Variants in RAB6A observed in about 807,000 individuals in gnomAD.
The protein encoded by RAB6A is ras-related protein Rab-6A.
RAB6A carries 8 observed loss-of-function variants against 32.3 expected under a neutral mutation model. That is an observed-to-expected ratio of 0.25 (90% CI 0.15 to 0.45). RAB6A has a LOEUF of 0.45. Among genes scored for constraint, RAB6A ranks in the 20% least tolerant of loss-of-function variants. RAB6A has a pLI of 1.00. For missense variants in RAB6A, 104 were observed against 249.4 expected, an observed-to-expected ratio of 0.42 and a Z score of 3.93; for synonymous variants, 73 against 82.1, an observed-to-expected ratio of 0.89 and a Z score of 0.60.
At chr11:73,749,124 T>A (rs967168981) in intron 1 of RAB6A, among the ~76,000 whole-genome samples, 15 of 151,340 alleles carry the variant, frequency 9.9e-5, no homozygotes, top group African/African-American at 3.6e-4. Flanking sequence ...GACTCTATCT[T>A]AAAAAAAGGA....
chr11:73,747,459 C>A (rs1189411010), intron 1 of RAB6A, among the ~76,000 whole-genome samples: 5 of 150,384 alleles, frequency 3.3e-5, no homozygotes, highest in Non-Finnish European at 5.9e-5. Context: ...CCGCCCCCGG[C>A]CTCCCAAGTG....
At chr11:73,709,834 T>C (rs12793699) in intron 5 of RAB6A, among the ~76,000 whole-genome samples, 3 of 55,548 alleles carry the variant, frequency 5.4e-5, no homozygotes, top group African/African-American at 1.6e-4. Context: ...TATATATACA[T>C]ATATACACAT....
intron 1 of RAB6A, among the ~76,000 whole-genome samples, chr11:73,738,940 G>A (rs1017526028): frequency 3.3e-5 from 5 of 151,298 alleles, no homozygotes; most frequent in Non-Finnish European, 5.9e-5. Flanking sequence ...TGAGACTCCT[G>A]TCTCAAAAAA....
chr11:73,710,275 A>G (rs1049269377), intron 5 of RAB6A, among the ~76,000 whole-genome samples: 12 of 150,610 alleles, frequency 8.0e-5, no homozygotes, highest in African/African-American at 4.9e-5. Flanking sequence ...CCCCATGCTT[A>G]TATTTTTTAT....
chr11:73,736,361 G>A (rs973807318), intron 1 of RAB6A, among the ~76,000 whole-genome samples: 7 of 151,576 alleles, frequency 4.6e-5, no homozygotes, highest in Non-Finnish European at 7.4e-5. Context: ...CCCGGGAGGC[G>A]GAGGTTGCAG....
intron 2 of RAB6A, among the ~76,000 whole-genome samples, chr11:73,724,715 A>T (rs547470726): frequency 9.7e-4 from 147 of 152,070 alleles, no homozygotes; most frequent in Middle Eastern, 6.8e-3. Context: ...GTCGATCTCC[A>T]GACCTTGTGA....
intron 2 of RAB6A, 126 bp downstream of exon 2, chr11:73,730,639 A>T: frequency 1.4e-6 from 1 of 720,490 alleles, no homozygotes; most frequent in Non-Finnish European, 2.3e-6. Context: ...GTATTTATAC[A>T]GCATTTTACA....
intron 6 of RAB6A, among the ~76,000 whole-genome samples, chr11:73,687,216 G>T (rs2134875073): frequency 6.6e-6 from 1 of 152,252 alleles, no homozygotes; most frequent in African/African-American, 2.4e-5. Flanking sequence ...GCTGTCAATG[G>T]CTGGGGGAAG....
chr11:73,741,228 C>T (rs1268699729), intron 1 of RAB6A, among the ~76,000 whole-genome samples: 2 of 152,040 alleles, frequency 1.3e-5, no homozygotes, highest in East Asian at 3.9e-4. Context: ...GCTCCACCTC[C>T]CGGGTTCACG....
At chr11:73,753,459 C>G (rs1326821248) in intron 1 of RAB6A, among the ~76,000 whole-genome samples, 1 of 151,822 alleles carries the variant, frequency 6.6e-6, no homozygotes, top group Non-Finnish European at 1.5e-5. Flanking sequence ...TGCCTGTAAT[C>G]CCAGCACTTT....
rs144026830 is a variant in RAB6A, at chr11:73,746,988, T to C, written c.70+13578A>G. Among the ~76,000 whole-genome samples, 1,440 of 152,234 alleles carry C rather than the reference T, an allele frequency of 9.5e-3. 16 individuals carry two copies. The highest frequency in any genetic ancestry group is 0.027 in the Middle Eastern group (8 of 294). The stretch of plus-strand genomic sequence containing the variant: ...TCTCGCTCTGTCACTCAGGCTGGAG[T>C]GTGGTGGTGCAATCTCGGCGCACTG... On this transcript the variant is annotated intron_variant, in intron 1 of 7. Transcript: ENST00000336083.
chr11:73,682,475 AAC>A (rs1945376013), intron 6 of RAB6A, among the ~76,000 whole-genome samples: 1 of 152,144 alleles, frequency 6.6e-6, no homozygotes, highest in South Asian at 2.1e-4. Context: ...CATCTTGGCT[AAC>A]ACAGTGAAAC....
intron 6 of RAB6A, among the ~76,000 whole-genome samples, chr11:73,690,885 G>C (rs1239075676): frequency 1.9e-5 from 1 of 52,396 alleles, no homozygotes; most frequent in Non-Finnish European, 3.9e-5. Flanking sequence ...TCTTTTATTA[G>C]GAAACATTAA....
intron 2 of RAB6A, among the ~76,000 whole-genome samples, chr11:73,725,486 A>C (rs928884298): frequency 2.6e-5 from 4 of 152,190 alleles, no homozygotes; most frequent in African/African-American, 9.6e-5. Flanking sequence ...GGTTTAATGG[A>C]CTTGCAGTTC....
At chr11:73,704,191 G>T in intron 6 of RAB6A, 1 of 437,690 alleles carries the variant, frequency 2.3e-6, no homozygotes, top group Non-Finnish European at 4.6e-6. Context: ...AGACTAGCCT[G>T]GGCAACATGG....
chr11:73,687,797 C>T (rs1206244701), intron 6 of RAB6A, among the ~76,000 whole-genome samples: 1 of 152,014 alleles, frequency 6.6e-6, no homozygotes, highest in African/African-American at 2.4e-5. Context: ...GCGGAGGTTG[C>T]AGTGAGCCGA....
At chr11:73,743,389 T>C (rs1018546607) in intron 1 of RAB6A, among the ~76,000 whole-genome samples, 2 of 152,088 alleles carry the variant, frequency 1.3e-5, no homozygotes, top group Non-Finnish European at 1.5e-5. Context: ...TTCTTCAATT[T>C]ATAAAACATT....
At chr11:73,727,977 T>G (rs1946247480) in intron 2 of RAB6A, among the ~76,000 whole-genome samples, 2 of 152,232 alleles carry the variant, frequency 1.3e-5, no homozygotes, top group Non-Finnish European at 2.9e-5. Flanking sequence ...TTTTCTTTTT[T>G]TAACTTAAAA....
chr11:73,705,472 C>G (rs1945823996), intron 6 of RAB6A, among the ~76,000 whole-genome samples: 1 of 152,022 alleles, frequency 6.6e-6, no homozygotes, highest in Non-Finnish European at 1.5e-5. Context: ...CACTTGAACC[C>G]TGGAGGCAGA....
Sources: allele counts gnomAD v4.1 joint callset (sites outside exome capture counted in the v4.1 genomes callset), GRCh38; gene constraint gnomAD v4.1.1; transcripts MANE v1.5; gene names NCBI Gene and HGNC (gene_info 2026-07-23, HGNC 2026-07-21).